PPARGC1A: variants seen among roughly 807,000 people sequenced by gnomAD.
The protein encoded by PPARGC1A is PPARG coactivator 1 alpha.
In PPARGC1A, 25 loss-of-function variants were observed where a neutral mutation model predicts 88.7. The ratio of observed to expected loss-of-function variants is 0.28; its 90% CI spans 0.21 to 0.39. The LOEUF (loss-of-function observed/expected upper bound fraction) is 0.39. PPARGC1A is among the 10% of genes least tolerant of loss of function. PPARGC1A has a pLI of 1.00. For missense variants in PPARGC1A, 880 were observed against 968.7 expected, an observed-to-expected ratio of 0.91 and a Z score of 1.22; for synonymous variants, 363 against 355.6, an observed-to-expected ratio of 1.02 and a Z score of -0.24.
chr4:24,225,960 A>G, the PPARGC1A span, among the ~76,000 whole-genome samples: 1 of 151,642 alleles, frequency 6.6e-6, no homozygotes, highest in African/African-American at 2.4e-5. Context: ...AAACAATAAT[A>G]CTAATAAGGA....
the PPARGC1A span, among the ~76,000 whole-genome samples, chr4:24,031,180 G>A: frequency 6.6e-6 from 1 of 152,188 alleles, no homozygotes. Flanking sequence ...TAAGTGGTGA[G>A]AGACTGAATT....
At chr4:24,037,836 T>G in the PPARGC1A span, among the ~76,000 whole-genome samples, 1 of 152,164 alleles carries the variant, frequency 6.6e-6, no homozygotes, top group Non-Finnish European at 1.5e-5. Context: ...TCATCCCCAC[T>G]AGGTTCTAAA....
At chr4:24,043,191 A>T in the PPARGC1A span, among the ~76,000 whole-genome samples, 1 of 152,142 alleles carries the variant, frequency 6.6e-6, no homozygotes, top group African/African-American at 2.4e-5. Flanking sequence ...CTAAATTCAG[A>T]AGCCCAAAGA....
chr4:24,152,980 T>C, the PPARGC1A span, among the ~76,000 whole-genome samples: 1 of 152,214 alleles, frequency 6.6e-6, no homozygotes, highest in Non-Finnish European at 1.5e-5. Context: ...AGCTCAGACA[T>C]GTAAACAAAC....
the PPARGC1A span, among the ~76,000 whole-genome samples, chr4:23,921,624 G>C: frequency 1.3e-5 from 2 of 152,194 alleles, no homozygotes; most frequent in Admixed American, 6.5e-5. Context: ...AGGTGGGAGG[G>C]GAGGGGTTAA....
chr4:24,344,540 T>A, the PPARGC1A span, among the ~76,000 whole-genome samples: 25,483 of 152,152 alleles, frequency 0.17, 2,262 homozygotes, highest in Non-Finnish European at 0.19. Flanking sequence ...TGGCCATTTG[T>A]ATATCTTCTT....
the PPARGC1A span, among the ~76,000 whole-genome samples, chr4:24,241,356 A>G: frequency 3.9e-5 from 6 of 152,232 alleles, no homozygotes; most frequent in Non-Finnish European, 7.3e-5. Flanking sequence ...AAGTTAAACA[A>G]TAGACTTGAA....
chr4:24,394,116 A>T, the PPARGC1A span, among the ~76,000 whole-genome samples: 1 of 152,220 alleles, frequency 6.6e-6, no homozygotes, highest in Non-Finnish European at 1.5e-5. Context: ...TCTTTGCTAC[A>T]AAAGAAAGTG....
Position 23,814,031 on chromosome 4 carries a change from C to T in PPARGC1A, c.1452G>A (p.Leu484=). 6.2e-7 allele frequency: 1 copy of T among 1,614,058 alleles called. No individual in the cohort carries two copies. The highest frequency in any genetic ancestry group is 8.5e-7 in the Non-Finnish European group (1 of 1,179,968). ...FDDEADKTGE[L]RDSDFSNEQF... ...GTTCATTACTGAAATCACTGTCCCTCAGTTCACCGGTCTTGTCTGCTTCGT... is the reference window on the plus strand; with the variant it reads ...GTTCATTACTGAAATCACTGTCCCTTAGTTCACCGGTCTTGTCTGCTTCGT... The change falls in exon 8 of 13, where the codon CTG becomes CTA. Residue 484 remains leucine (L), a synonymous_variant. Transcript: ENST00000264867.
chr4:24,109,232 A>C, the PPARGC1A span, among the ~76,000 whole-genome samples: 1 of 149,788 alleles, frequency 6.7e-6, no homozygotes, highest in Non-Finnish European at 1.5e-5. Context: ...AAAATTTCAC[A>C]TTTCCCCAAC....
chr4:23,862,731 T>C (rs989328281), intron 2 of PPARGC1A, among the ~76,000 whole-genome samples: 5 of 152,358 alleles, frequency 3.3e-5, no homozygotes, highest in African/African-American at 1.2e-4. Context: ...ATTATTATTA[T>C]TGGCAAGAAG....
chr4:23,947,350 G>GTGAT, the PPARGC1A span, among the ~76,000 whole-genome samples: 119 of 108,282 alleles, frequency 1.1e-3, no homozygotes, highest in African/African-American at 4.4e-3. Flanking sequence ...TTGTTATATA[G>GTGAT]TGATATATAT....
the PPARGC1A span, among the ~76,000 whole-genome samples, chr4:24,160,611 T>C: frequency 1.3e-5 from 2 of 152,176 alleles, no homozygotes; most frequent in African/African-American, 2.4e-5. Flanking sequence ...GCCTCCATCA[T>C]CTCAACTCAG....
chr4:24,276,145 G>A, the PPARGC1A span, among the ~76,000 whole-genome samples: 1 of 152,144 alleles, frequency 6.6e-6, no homozygotes, highest in Admixed American at 6.5e-5. Flanking sequence ...CTAGAGTTCC[G>A]AAGACTCAAA....
chr4:23,891,112 C>A (rs1717794649), upstream of PPARGC1A, among the ~76,000 whole-genome samples: 1 of 152,126 alleles, frequency 6.6e-6, no homozygotes, highest in South Asian at 2.1e-4. Flanking sequence ...TACCTTGAGA[C>A]AATGAGGGCT....
the PPARGC1A span, among the ~76,000 whole-genome samples, chr4:23,918,152 A>G: frequency 1.3e-5 from 2 of 152,198 alleles, no homozygotes; most frequent in Non-Finnish European, 2.9e-5. Flanking sequence ...CATGCCCAAT[A>G]ACTACCAGGC....
At chr4:24,431,648 GA>G in the PPARGC1A span, among the ~76,000 whole-genome samples, 1 of 152,326 alleles carries the variant, frequency 6.6e-6, no homozygotes, top group East Asian at 1.9e-4. Flanking sequence ...GCAAGTGGCA[GA>G]AGGTACTTTG....
At chr4:24,349,718 GC>G in the PPARGC1A span, among the ~76,000 whole-genome samples, 1 of 152,172 alleles carries the variant, frequency 6.6e-6, no homozygotes, top group Non-Finnish European at 1.5e-5. Context: ...CTTACCCGAA[GC>G]TATCTGCCTC....
the PPARGC1A span, among the ~76,000 whole-genome samples, chr4:24,346,067 T>G: frequency 1.3e-5 from 2 of 152,254 alleles, no homozygotes; most frequent in Admixed American, 6.5e-5. Flanking sequence ...ATTCTGTTTA[T>G]GTGGTGTACC....
Sources: allele counts gnomAD v4.1 joint callset (sites outside exome capture counted in the v4.1 genomes callset), GRCh38; gene constraint gnomAD v4.1.1; transcripts MANE v1.5; gene names NCBI Gene and HGNC (gene_info 2026-07-23, HGNC 2026-07-21).